Variants in LMCD1 observed in about 807,000 individuals in gnomAD.
LMCD1 encodes the protein LIM and cysteine-rich domains protein 1.
A neutral mutation model predicts 42.7 loss-of-function variants in LMCD1; 32 were observed. That is an observed-to-expected ratio of 0.75 (90% CI 0.57 to 1.01). LMCD1 has a LOEUF of 1.01. Ranked by LOEUF, LMCD1 falls within the 50% of genes least tolerant of loss-of-function variation. LMCD1 has a pLI of 0.00. For missense variants in LMCD1, 458 were observed against 483.1 expected (o/e 0.95, Z 0.49); for synonymous variants, 178 against 184.9 (o/e 0.96, Z 0.30).
intron 4 of LMCD1, among the ~76,000 whole-genome samples, chr3:8,549,699 G>GAA (rs1694804763): frequency 6.6e-6 from 1 of 152,162 alleles, no homozygotes; most frequent in Non-Finnish European, 1.5e-5. Context: ...AATTTATAAA[G>GAA]AAAAGGAATG....
At chr3:8,550,192 G>C in intron 4 of LMCD1, 1 of 1,259,886 alleles carries the variant, frequency 7.9e-7, no homozygotes, top group Non-Finnish European at 1.0e-6. Flanking sequence ...GAAGGCGAAA[G>C]GAATGCTTGA....
intron 1 of LMCD1, among the ~76,000 whole-genome samples, chr3:8,521,015 G>A (rs973182226): frequency 1.3e-5 from 2 of 152,282 alleles, no homozygotes; most frequent in African/African-American, 4.8e-5. Context: ...CACTATTCAC[G>A]TTAGCCTGAG....
chr3:8,537,547 C>G (rs1002144486), intron 3 of LMCD1, 107 bp downstream of exon 3: 2 of 1,255,450 alleles, frequency 1.6e-6, no homozygotes. Flanking sequence ...CTCAAGGTCA[C>G]AAAAATGACA....
At chr3:8,511,991 C>A (rs993011826) in intron 1 of LMCD1, among the ~76,000 whole-genome samples, 1 of 152,020 alleles carries the variant, frequency 6.6e-6, no homozygotes, top group Middle Eastern at 3.2e-3. Flanking sequence ...CAAAAATATG[C>A]AATATATATG....
At chr3:8,514,913 G>C (rs943074271) in intron 1 of LMCD1, 1 of 456,094 alleles carries the variant, frequency 2.2e-6, no homozygotes, top group Admixed American at 2.3e-5. Flanking sequence ...AATATTCTAC[G>C]TGTTTATCTA....
At chr3:8,529,455 T>C (rs1694364160) in intron 1 of LMCD1, among the ~76,000 whole-genome samples, 1 of 121,106 alleles carries the variant, frequency 8.3e-6, no homozygotes, top group Non-Finnish European at 1.9e-5. Context: ...TTTAGCGTTC[T>C]TGCCCAACTA....
In LMCD1 at chr3:8,537,292, C is replaced by G. The variant is rs892151437; in HGVS notation, c.239C>G (p.Thr80Ser). 1.2e-6 allele frequency: 2 copies of G among 1,614,120 alleles called. No individual in the cohort carries two copies. Among genetic ancestry groups the G allele is most frequent in the Non-Finnish European group, 1.7e-6 (2 of 1,180,018 alleles). ...TTGCTGATGGACTCCAAGTATTCCA[C>G]CCTCACTGCTCGGGTGAAAGGCGGG... is the stretch of plus-strand genomic sequence containing the variant. Reference protein sequence around the residue: ...GRLLMDSKYSTLTARVKGGDG... With the variant: ...GRLLMDSKYSSLTARVKGGDG... The change falls in exon 3 of 6, where the codon ACC becomes AGC. Residue 80 changes from threonine to serine, a missense_variant. Transcript: ENST00000157600.
intron 1 of LMCD1, among the ~76,000 whole-genome samples, chr3:8,504,072 G>A (rs1291895448): frequency 6.6e-6 from 1 of 152,146 alleles, no homozygotes; most frequent in Non-Finnish European, 1.5e-5. Context: ...CCAATTACAG[G>A]CTTAGAGAAA....
At chr3:8,558,522 A>G (rs1190050126) in intron 4 of LMCD1, among the ~76,000 whole-genome samples, 2 of 152,244 alleles carry the variant, frequency 1.3e-5, no homozygotes, top group African/African-American at 4.8e-5. Flanking sequence ...ACAAGGTCAC[A>G]TGACAAATGT....
At chr3:8,536,547 A>G (rs1694510865) in intron 2 of LMCD1, among the ~76,000 whole-genome samples, 1 of 152,196 alleles carries the variant, frequency 6.6e-6, no homozygotes, top group Admixed American at 6.5e-5. Flanking sequence ...TCTTGAAGAA[A>G]ATATTCACTG....
At chr3:8,561,888 G>A (rs1216947507) in intron 4 of LMCD1, among the ~76,000 whole-genome samples, 3 of 152,226 alleles carry the variant, frequency 2.0e-5, no homozygotes, top group Non-Finnish European at 2.9e-5. Flanking sequence ...GCTTACAGGA[G>A]CAGGGGATAA....
At chr3:8,546,341 T>G (rs924569793) in intron 3 of LMCD1, among the ~76,000 whole-genome samples, 7 of 152,214 alleles carry the variant, frequency 4.6e-5, no homozygotes, top group Non-Finnish European at 1.5e-5. Flanking sequence ...AAATTTCTGT[T>G]GGGCCACATT....
chr3:8,539,788 C>T (rs963679589), intron 3 of LMCD1, among the ~76,000 whole-genome samples: 7 of 141,664 alleles, frequency 4.9e-5, no homozygotes, highest in African/African-American at 1.8e-4. Flanking sequence ...CTCACCTTCC[C>T]AACATTTTTA....
In LMCD1 at chr3:8,569,188, G is replaced by A. The variant is rs1238322895; in HGVS notation, c.*1590G>A. Reference sequence around the variant, plus strand: ...CTTGGCTTATGTCTTTCTGGCCTTGGAGCCCTTTATTTCCCTAGATTTCTA... The same window carrying A: ...CTTGGCTTATGTCTTTCTGGCCTTGAAGCCCTTTATTTCCCTAGATTTCTA... On this transcript the variant is annotated 3_prime_UTR_variant, in exon 6 of 6. Coordinates refer to ENST00000157600, the MANE Select transcript of LMCD1 (RefSeq NM_014583.4). 6.6e-6 allele frequency: 1 copy of A among 152,118 alleles called. No individual in the cohort carries two copies. The highest frequency in any genetic ancestry group is 1.5e-5 in the Non-Finnish European group (1 of 68,046). The allele number at this position is 152,118 out of a possible 1,614,324, so 9.4% of individuals were successfully genotyped here.
At chr3:8,530,073 G>A (rs1239394240) in intron 1 of LMCD1, among the ~76,000 whole-genome samples, 1 of 152,194 alleles carries the variant, frequency 6.6e-6, no homozygotes, top group Admixed American at 6.5e-5. Context: ...ACCCGAAACA[G>A]TTGCTTGCTC....
At chr3:8,547,803 G>A (rs1294911044) in intron 3 of LMCD1, among the ~76,000 whole-genome samples, 7 of 151,812 alleles carry the variant, frequency 4.6e-5, no homozygotes, top group African/African-American at 1.2e-4. Context: ...GGAGAATGGC[G>A]TGAACCCGGG....
rs558080506 is a variant in LMCD1 at position 8,570,428 on chromosome 3, G to A, written c.*2830G>A. On this transcript the variant is annotated 3_prime_UTR_variant, in exon 6 of 6. Coordinates refer to ENST00000157600, the MANE Select transcript of LMCD1 (RefSeq NM_014583.4). Reference sequence around the variant, plus strand: ...CCACTGGGTCACACCATCATGGATGGGCATTATCTCCCACAACAGTCCCCA... The same window carrying A: ...CCACTGGGTCACACCATCATGGATGAGCATTATCTCCCACAACAGTCCCCA... The A allele has an allele frequency of 2.6e-5, 4 of 152,372 alleles. No individual in the cohort carries two copies. Among genetic ancestry groups the A allele is most frequent in the Non-Finnish European group, 5.9e-5 (4 of 68,096 alleles). The allele number at this position is 152,372 out of a possible 1,614,324, so 9.4% of individuals were successfully genotyped here.
intron 3 of LMCD1, among the ~76,000 whole-genome samples, chr3:8,540,140 C>G (rs1246047397): frequency 2.0e-5 from 3 of 152,072 alleles, no homozygotes; most frequent in African/African-American, 7.2e-5. Flanking sequence ...GACAGAAAAC[C>G]AAACACCGCA....
At chr3:8,535,323 A>ATT in intron 2 of LMCD1, among the ~76,000 whole-genome samples, 1 of 152,076 alleles carries the variant, frequency 6.6e-6, no homozygotes, top group African/African-American at 2.4e-5. Context: ...TATTTATTTA[A>ATT]TTTTTTTTGA....
Sources: allele counts gnomAD v4.1 joint callset (sites outside exome capture counted in the v4.1 genomes callset), GRCh38; gene constraint gnomAD v4.1.1; transcripts MANE v1.5; gene names NCBI Gene and HGNC (gene_info 2026-07-23, HGNC 2026-07-21).